MIPOL1: variants seen among roughly 807,000 people sequenced by gnomAD.
The protein encoded by MIPOL1 is mirror-image polydactyly gene 1 protein.
A neutral mutation model predicts 60.9 loss-of-function variants in MIPOL1; 57 were observed. The ratio of observed to expected loss-of-function variants is 0.94; its 90% confidence interval spans 0.76 to 1.17. The LOEUF (loss-of-function observed/expected upper bound fraction) is 1.17, where lower values mean the gene tolerates loss of function less well. Ranked by LOEUF, MIPOL1 falls within the 50% of genes most tolerant of loss-of-function variation. The pLI is 0.00. For synonymous variants in MIPOL1, 179 were observed against 168.8 expected (o/e 1.06, Z -0.47); for missense variants, 551 against 511.6 (o/e 1.08, Z -0.74).
chr14:37,523,797 A>G (rs1045046211), intron 12 of MIPOL1, among the ~76,000 whole-genome samples: 4 of 152,216 alleles, frequency 2.6e-5, no homozygotes, highest in African/African-American at 4.8e-5. Context: ...GTGTGTAATT[A>G]TAACTTAGTT....
intron 6 of MIPOL1, among the ~76,000 whole-genome samples, chr14:37,279,106 A>G (rs148368667): frequency 1.3e-5 from 2 of 151,586 alleles, no homozygotes; most frequent in African/African-American, 4.8e-5. Context: ...TGGTTGGCTT[A>G]CATAGTAGCT....
At chr14:37,489,120 A>T (rs1424584248) in intron 11 of MIPOL1, among the ~76,000 whole-genome samples, 1 of 152,140 alleles carries the variant, frequency 6.6e-6, no homozygotes, top group Non-Finnish European at 1.5e-5. Flanking sequence ...TTGTCTTTTC[A>T]CATAGTCCCA....
chr14:37,485,985 A>G (rs2094940088), intron 11 of MIPOL1, among the ~76,000 whole-genome samples: 1 of 152,190 alleles, frequency 6.6e-6, no homozygotes, highest in South Asian at 2.1e-4. Context: ...TAAGTCTTTA[A>G]TTCATCTTAA....
intron 10 of MIPOL1, among the ~76,000 whole-genome samples, chr14:37,380,514 A>G (rs1314087294): frequency 1.3e-5 from 2 of 152,278 alleles, no homozygotes; most frequent in East Asian, 3.9e-4. Context: ...TCAAGACACA[A>G]TAAAGACTGA....
Position 37,285,448 on chromosome 14 carries a change from G to A in MIPOL1, c.623+1G>A. On this transcript the variant is annotated splice_donor_variant, in intron 7 of 12. Coordinates refer to ENST00000684589, the MANE Select transcript of MIPOL1 (RefSeq NM_001388067.1). LOFTEE classifies it high-confidence loss of function. ...AGCATATGGAAATGTCTCTAAAAGTGTATGTACACATTTAAAACTCAGTAT... is the reference window on the plus strand; with the variant it reads ...AGCATATGGAAATGTCTCTAAAAGTATATGTACACATTTAAAACTCAGTAT... 1.2e-6 allele frequency: 2 copies of A among 1,613,082 alleles called. No individual in the cohort carries two copies. Among genetic ancestry groups the A allele is most frequent in the South Asian group, 1.1e-5 (1 of 90,864 alleles).
intron 7 of MIPOL1, among the ~76,000 whole-genome samples, chr14:37,300,311 G>C (rs2086260294): frequency 7.0e-6 from 1 of 143,378 alleles, no homozygotes; most frequent in Non-Finnish European, 1.5e-5. Context: ...CAGGAGATTT[G>C]TCTCTTTTCC....
chr14:37,249,499 C>G (rs73254028), intron 3 of MIPOL1, among the ~76,000 whole-genome samples: 1 of 152,030 alleles, frequency 6.6e-6, no homozygotes, highest in South Asian at 2.1e-4. Context: ...TTTGCACCCA[C>G]CATTAGTAAT....
intron 10 of MIPOL1, among the ~76,000 whole-genome samples, chr14:37,398,993 A>G (rs1201462742): frequency 6.6e-6 from 1 of 152,324 alleles, no homozygotes; most frequent in Non-Finnish European, 1.5e-5. Flanking sequence ...GTAGGGAAAT[A>G]TTTGTTGCCA....
intron 3 of MIPOL1, among the ~76,000 whole-genome samples, chr14:37,258,342 A>G (rs539032685): frequency 6.6e-6 from 1 of 152,188 alleles, no homozygotes; most frequent in Non-Finnish European, 1.5e-5. Context: ...ATAATTATTA[A>G]ACCTATTTTA....
intron 11 of MIPOL1, among the ~76,000 whole-genome samples, chr14:37,443,449 T>G (rs1311991127): frequency 1.1e-5 from 1 of 89,630 alleles, no homozygotes; most frequent in Non-Finnish European, 1.9e-5. Context: ...ACAGAGAGAC[T>G]ATCTCACCAA....
At chr14:37,531,648 C>G (rs1473479595) in intron 12 of MIPOL1, among the ~76,000 whole-genome samples, 4 of 152,086 alleles carry the variant, frequency 2.6e-5, no homozygotes, top group African/African-American at 7.2e-5. Context: ...CTAAACTGAT[C>G]TAAGGAAAAA....
chr14:37,487,344 G>A (rs2094964116), intron 11 of MIPOL1, among the ~76,000 whole-genome samples: 1 of 152,076 alleles, frequency 6.6e-6, no homozygotes, highest in African/African-American at 2.4e-5. Flanking sequence ...GGATAATGCT[G>A]GCCTCATAAA....
intron 1 of MIPOL1, among the ~76,000 whole-genome samples, chr14:37,232,428 A>T (rs1970776216): frequency 6.6e-6 from 1 of 152,114 alleles, no homozygotes; most frequent in Non-Finnish European, 1.5e-5. Context: ...ATTTTTTCTC[A>T]ATATTTTATA....
intron 12 of MIPOL1, chr14:37,504,952 C>T (rs2095261172): frequency 6.6e-6 from 1 of 152,066 alleles, no homozygotes; most frequent in South Asian, 2.1e-4. Context: ...ATACAAACTA[C>T]CATCAGATAA....
At chr14:37,545,275 T>C (rs1475185848) in intron 12 of MIPOL1, among the ~76,000 whole-genome samples, 2 of 152,232 alleles carry the variant, frequency 1.3e-5, no homozygotes, top group Non-Finnish European at 2.9e-5. Context: ...TGTAGTTCTA[T>C]AATTCATACT....
intron 1 of MIPOL1, among the ~76,000 whole-genome samples, chr14:37,217,454 A>G (rs937209949): frequency 6.6e-6 from 1 of 152,216 alleles, no homozygotes; most frequent in Admixed American, 6.5e-5. Context: ...AAAGAAAGCC[A>G]CAGTCCAATC....
intron 12 of MIPOL1, among the ~76,000 whole-genome samples, chr14:37,535,200 G>A (rs1486198995): frequency 6.6e-6 from 1 of 152,026 alleles, no homozygotes; most frequent in Non-Finnish European, 1.5e-5. Flanking sequence ...ATTTTTCAAG[G>A]TTACCTAAAA....
intron 6 of MIPOL1, chr14:37,276,330 A>G (rs527793077): frequency 8.3e-4 from 125 of 151,088 alleles, no homozygotes; most frequent in African/African-American, 2.9e-3. Context: ...CTTTTGGTAG[A>G]GAGAAGAGGA....
chr14:37,372,685 G>T (rs946374626), intron 10 of MIPOL1, among the ~76,000 whole-genome samples: 10 of 150,736 alleles, frequency 6.6e-5, no homozygotes, highest in African/African-American at 2.2e-4. Flanking sequence ...AGCCCAGGAG[G>T]CAGAGGTTGC....
Sources: allele counts gnomAD v4.1 joint callset (sites outside exome capture counted in the v4.1 genomes callset), GRCh38; gene constraint gnomAD v4.1.1; transcripts MANE v1.5; gene names NCBI Gene and HGNC (gene_info 2026-07-23, HGNC 2026-07-21).